The following CPA6 variants were observed in gnomAD, a reference collection of about 807,000 sequenced individuals.
The protein encoded by CPA6 is carboxypeptidase A6, also known as carboxypeptidase B.
Under a neutral mutation model 63.3 loss-of-function variants are expected in CPA6, and 58 were observed. The ratio of observed to expected loss-of-function variants is 0.92; its 90% confidence interval spans 0.74 to 1.14. CPA6 has a LOEUF of 1.14. Ranked by LOEUF, CPA6 falls within the 50% of genes most tolerant of loss-of-function variation. CPA6 has a pLI of 0.00. For missense variants in CPA6, 565 were observed against 526.6 expected, an observed-to-expected ratio of 1.07 and a Z score of -0.71; for synonymous variants, 185 against 179.0, an observed-to-expected ratio of 1.03 and a Z score of -0.27.
chr8:67,471,884 A>T (rs7822207), intron 8 of CPA6, among the ~76,000 whole-genome samples: 68,155 of 152,036 alleles, frequency 0.45, 16,652 homozygotes, highest in African/African-American at 0.67. Flanking sequence ...AATATAATGC[A>T]ATAATGCTTA....
chr8:67,506,344 AC>A (rs941157742), intron 6 of CPA6, among the ~76,000 whole-genome samples: 6 of 152,212 alleles, frequency 3.9e-5, no homozygotes, highest in African/African-American at 1.4e-4. Context: ...GCAGGAGGGC[AC>A]AAGCAATCCC....
At chr8:67,716,151 C>CA (rs56275918) in intron 1 of CPA6, among the ~76,000 whole-genome samples, 3,071 of 76,470 alleles carry the variant, frequency 0.04, 174 homozygotes, top group East Asian at 0.1. Context: ...GAGCTTGTCT[C>CA]AAAAAAAAAA....
At chr8:67,629,497 A>ATT (rs1815271069) in intron 1 of CPA6, among the ~76,000 whole-genome samples, 1 of 150,916 alleles carries the variant, frequency 6.6e-6, no homozygotes, top group Admixed American at 6.6e-5. Flanking sequence ...AAAAAAAAAA[A>ATT]TAAGACCCAA....
intron 2 of CPA6, among the ~76,000 whole-genome samples, chr8:67,589,965 T>C (rs1408048130): frequency 6.6e-6 from 1 of 151,962 alleles, no homozygotes; most frequent in East Asian, 1.9e-4. Flanking sequence ...TGTATACATG[T>C]GCCATGCTGG....
intron 8 of CPA6, among the ~76,000 whole-genome samples, chr8:67,452,887 A>T (rs1421895624): frequency 5.9e-5 from 9 of 152,206 alleles, no homozygotes; most frequent in Admixed American, 5.9e-4. Context: ...GGAAACAGCC[A>T]GTGCAAAGAC....
chr8:67,664,402 C>T (rs1011012705), intron 1 of CPA6, among the ~76,000 whole-genome samples: 2 of 152,146 alleles, frequency 1.3e-5, no homozygotes, highest in African/African-American at 4.8e-5. Flanking sequence ...GCATACTTTC[C>T]TAACAGCCTG....
intron 8 of CPA6, among the ~76,000 whole-genome samples, chr8:67,473,605 T>C (rs1321175281): frequency 6.6e-6 from 1 of 151,322 alleles, no homozygotes; most frequent in Non-Finnish European, 1.5e-5. Context: ...GGGGATTTTA[T>C]TTTTATTTTT....
chr8:67,666,429 G>C (rs1051843648), intron 1 of CPA6, among the ~76,000 whole-genome samples: 32 of 152,114 alleles, frequency 2.1e-4, no homozygotes, highest in Non-Finnish European at 4.1e-4. Flanking sequence ...GGGTGGGGAG[G>C]GGGGCACTCT....
chr8:67,574,316 C>T (rs1031497044), intron 2 of CPA6, among the ~76,000 whole-genome samples: 2 of 148,614 alleles, frequency 1.3e-5, no homozygotes, highest in Admixed American at 6.8e-5. Context: ...GTGGAGGTTG[C>T]AGTGAGCTGA....
intron 2 of CPA6, among the ~76,000 whole-genome samples, chr8:67,590,143 G>T (rs1343533846): frequency 2.0e-5 from 3 of 151,494 alleles, no homozygotes; most frequent in Non-Finnish European, 4.4e-5. Context: ...TGTGGTGTTT[G>T]GTTCTTTGTC....
chr8:67,484,606 C>T, intron 7 of CPA6, 73 bp downstream of exon 7: 1 of 774,470 alleles, frequency 1.3e-6, no homozygotes. Flanking sequence ...TCTTTCCTGT[C>T]CTGGAAGTTT....
chr8:67,643,718 A>G (rs772563297), intron 1 of CPA6, among the ~76,000 whole-genome samples: 3 of 152,236 alleles, frequency 2.0e-5, no homozygotes, highest in Non-Finnish European at 2.9e-5. Context: ...TGTTTGTTGT[A>G]TAATTATTTG....
At chr8:67,578,377 T>C (rs1813679600) in intron 2 of CPA6, among the ~76,000 whole-genome samples, 1 of 152,240 alleles carries the variant, frequency 6.6e-6, no homozygotes, top group South Asian at 2.1e-4. Flanking sequence ...AGTGCTCAAA[T>C]GTAACACAAT....
intron 2 of CPA6, among the ~76,000 whole-genome samples, chr8:67,578,908 T>G (rs1485987727): frequency 6.6e-6 from 1 of 152,248 alleles, no homozygotes; most frequent in Admixed American, 6.5e-5. Flanking sequence ...ATAAACATCC[T>G]TAAATAATCA....
chr8:67,722,425 TA>T (rs557039934), intron 1 of CPA6, among the ~76,000 whole-genome samples: 6 of 151,678 alleles, frequency 4.0e-5, no homozygotes, highest in African/African-American at 9.7e-5. Flanking sequence ...GTAATTCTAA[TA>T]AAAAAAAATC....
chr8:67,714,467 G>C (rs539968215), intron 1 of CPA6, among the ~76,000 whole-genome samples: 5 of 152,238 alleles, frequency 3.3e-5, no homozygotes, highest in African/African-American at 9.6e-5. Flanking sequence ...CTAGCACTTC[G>C]GGAGCCCGAG....
At chr8:67,713,504 C>T (rs945870516) in intron 1 of CPA6, among the ~76,000 whole-genome samples, 3 of 152,096 alleles carry the variant, frequency 2.0e-5, no homozygotes, top group Non-Finnish European at 4.4e-5. Context: ...GTAATCAGTT[C>T]ATGGCTCTGC....
intron 1 of CPA6, among the ~76,000 whole-genome samples, chr8:67,706,104 A>G (rs1429962378): frequency 6.6e-6 from 1 of 152,206 alleles, no homozygotes; most frequent in Non-Finnish European, 1.5e-5. Flanking sequence ...TCATAAAAAG[A>G]TTCATGAAAG....
intron 8 of CPA6, among the ~76,000 whole-genome samples, chr8:67,438,642 G>A (rs559459136): frequency 3.3e-5 from 5 of 152,100 alleles, no homozygotes; most frequent in Non-Finnish European, 7.3e-5. Flanking sequence ...TATCTACAGC[G>A]ATATGAGAAT....
Sources: gnomAD v4.1 joint callset for allele counts (sites outside exome capture counted in the v4.1 genomes callset) on GRCh38, gnomAD v4.1.1 for gene constraint, MANE v1.5 for transcripts, NCBI Gene and HGNC (gene_info 2026-07-23, HGNC 2026-07-21) for gene names.